Variants in DCHS2 observed in about 807,000 individuals in gnomAD.
DCHS2 encodes the protein protocadherin-23.
Under a neutral mutation model 182.4 loss-of-function variants are expected in DCHS2, and 142 were observed. The observed-to-expected ratio is 0.78, with a 90% CI of 0.68 to 0.89. DCHS2 has a LOEUF of 0.89. DCHS2 is among the 40% of genes least tolerant of loss of function. DCHS2 has a pLI of 0.00. For missense variants in DCHS2, 4,319 were observed against 4,198.6 expected, an observed-to-expected ratio of 1.03 and a Z score of -0.79; for synonymous variants, 1,740 against 1,663.3, an observed-to-expected ratio of 1.05 and a Z score of -1.12.
intron 1 of DCHS2, among the ~76,000 whole-genome samples, chr4:154,448,826 T>C (rs955129722): frequency 6.6e-6 from 1 of 152,224 alleles, no homozygotes; most frequent in Non-Finnish European, 1.5e-5. Flanking sequence ...TTCAGCTCCA[T>C]GAACAATATT....
chr4:154,300,650 G>A (rs1735162323), intron 12 of DCHS2, among the ~76,000 whole-genome samples: 1 of 151,964 alleles, frequency 6.6e-6, no homozygotes, highest in Non-Finnish European at 1.5e-5. Flanking sequence ...TGATTGTGCT[G>A]CTGCGGTGAG....
chr4:154,386,840 C>T (rs984758149), intron 1 of DCHS2, among the ~76,000 whole-genome samples: 6 of 152,190 alleles, frequency 3.9e-5, no homozygotes, highest in Admixed American at 1.3e-4. Flanking sequence ...TGGTTCGTGA[C>T]ACTCATCAAA....
chr4:154,281,196 AAAG>A (rs753282983), intron 13 of DCHS2, among the ~76,000 whole-genome samples: 28 of 152,212 alleles, frequency 1.8e-4, no homozygotes, highest in Non-Finnish European at 3.1e-4. Context: ...TAGACAAGAG[AAAG>A]AAGAAGAAGA....
intron 2 of DCHS2, among the ~76,000 whole-genome samples, chr4:154,369,685 C>T (rs1400032217): frequency 6.6e-6 from 1 of 152,202 alleles, no homozygotes; most frequent in Non-Finnish European, 1.5e-5. Flanking sequence ...GTAGCTAATA[C>T]ATCCCATAAA....
At chr4:154,312,771 T>A (rs1735714196) in intron 10 of DCHS2, among the ~76,000 whole-genome samples, 1 of 152,218 alleles carries the variant, frequency 6.6e-6, no homozygotes, top group Non-Finnish European at 1.5e-5. Context: ...TATTTTAGCA[T>A]CCTTATCCTT....
chr4:154,335,960 C>G (rs766683358), intron 3 of DCHS2, among the ~76,000 whole-genome samples: 11 of 152,134 alleles, frequency 7.2e-5, no homozygotes, highest in South Asian at 2.1e-4. Flanking sequence ...TGCAGGCTAG[C>G]GCAGGGTTGT....
Position 154,253,599 on chromosome 4 carries a change from A to G in DCHS2, c.6941+1920T>C, listed in dbSNP as rs117329238. Among the ~76,000 whole-genome samples, 497 of 152,342 alleles carry G rather than the reference A, an allele frequency of 3.3e-3. 8 individuals are homozygous for G. The East Asian group carries it at 0.037, about 11-fold the overall frequency. On this transcript the variant is annotated intron_variant, in intron 16 of 19. Coordinates refer to ENST00000357232, the MANE Select transcript of DCHS2 (RefSeq NM_001358235.2). ...TGCTTAAACAATTACTATAGAAACA[A>G]TGTAGCAGGGAATAGGTTTTAATAT...
At chr4:154,327,790 C>T (rs563893706) in intron 7 of DCHS2, among the ~76,000 whole-genome samples, 18 of 152,246 alleles carry the variant, frequency 1.2e-4, no homozygotes, top group African/African-American at 4.3e-4. Flanking sequence ...CTAACACTTT[C>T]CTATCAATAA....
rs1560972252 is a variant in DCHS2 at position 154,236,879 on chromosome 4, A to G, written c.7773T>C (p.Ser2591=). 2 of 1,614,074 alleles carry G rather than the reference A, an allele frequency of 1.2e-6. No individual in the cohort carries two copies. Among genetic ancestry groups the G allele is most frequent in the Non-Finnish European group, 1.7e-6 (2 of 1,179,950 alleles). Residue 2591 remains serine, a synonymous_variant, in exon 20 of 20, where the codon AGT becomes AGC. Transcript: ENST00000357232. ...CATGAAAATTGTTCTGTGAATTACC[A>G]CTGATGATGGAATATTCAACATATG... ...ENTYVEYSII[S]GNSQNNFHVE... is the part of the protein sequence containing the mutation.
At chr4:154,295,241 C>A (rs996478360) in intron 13 of DCHS2, among the ~76,000 whole-genome samples, 3 of 152,174 alleles carry the variant, frequency 2.0e-5, no homozygotes, top group Non-Finnish European at 4.4e-5. Flanking sequence ...GAGAATAAGA[C>A]GTTTCTCTAT....
intron 1 of DCHS2, among the ~76,000 whole-genome samples, chr4:154,472,610 A>G (rs1269932117): frequency 1.3e-5 from 2 of 152,230 alleles, no homozygotes; most frequent in East Asian, 3.8e-4. Context: ...TTCTCTCACC[A>G]AAACGTCTAC....
chr4:154,391,076 T>G, intron 1 of DCHS2: 1 of 1,104,560 alleles, frequency 9.1e-7, no homozygotes, highest in Non-Finnish European at 1.3e-6. Flanking sequence ...CAGAAGTAAA[T>G]TCTTTGGCCA....
intron 1 of DCHS2, among the ~76,000 whole-genome samples, chr4:154,405,664 G>C (rs981706975): frequency 7.2e-5 from 11 of 151,976 alleles, no homozygotes; most frequent in Non-Finnish European, 1.3e-4. Flanking sequence ...AATTTTCATA[G>C]TTTTTATTTT....
In DCHS2 at chr4:154,236,096, G is replaced by A; in HGVS notation, c.8556C>T (p.Val2852=). 1.9e-6 allele frequency: 3 copies of A among 1,613,636 alleles called. No homozygotes were observed. The highest frequency in any genetic ancestry group is 2.5e-6 in the Non-Finnish European group (3 of 1,179,942). ...YENGNKYCLT[V]QAKDKGDATA... ...TTGCATCACCTTTGTCTTTGGCTTG[G>A]ACTGTGAGGCAGTATTTATTGCCAT... is the stretch of plus-strand genomic sequence containing the variant. Residue 2852 remains valine (V), a synonymous_variant, in exon 20 of 20, where the codon GTC becomes GTT. Transcript: ENST00000357232.
chr4:154,483,239 G>A (rs1735989321), intron 1 of DCHS2, among the ~76,000 whole-genome samples: 1 of 151,914 alleles, frequency 6.6e-6, no homozygotes, highest in African/African-American at 2.4e-5. Flanking sequence ...CAAGGAGGGG[G>A]GTGATATACA....
At chr4:154,324,252 G>T (rs548580810) in intron 7 of DCHS2, among the ~76,000 whole-genome samples, 17 of 152,192 alleles carry the variant, frequency 1.1e-4, no homozygotes, top group African/African-American at 4.1e-4. Context: ...CAAACATTGG[G>T]ATCTTCTTAA....
At chr4:154,325,499 T>G (rs1360629742) in intron 7 of DCHS2, among the ~76,000 whole-genome samples, 1 of 152,086 alleles carries the variant, frequency 6.6e-6, no homozygotes, top group Non-Finnish European at 1.5e-5. Flanking sequence ...CTTGAATGCA[T>G]ACCTGCAAAG....
At chr4:154,467,234 T>G (rs1026784666) in intron 1 of DCHS2, among the ~76,000 whole-genome samples, 1 of 152,228 alleles carries the variant, frequency 6.6e-6, no homozygotes, top group Non-Finnish European at 1.5e-5. Flanking sequence ...ATTTATAAGC[T>G]TAATATACAA....
chr4:154,320,760 G>T lies in DCHS2; in HGVS notation c.4639C>A (p.Gln1547Lys). The T allele has an allele frequency of 2.5e-6, 4 of 1,614,046 alleles. No individual in the cohort carries two copies. Among genetic ancestry groups the T allele is most frequent in the Non-Finnish European group, 3.4e-6 (4 of 1,179,992 alleles). Residue 1547 changes from glutamine to lysine, a missense_variant, in exon 9 of 20, where the codon CAA becomes AAA. Transcript: ENST00000357232. The stretch of plus-strand genomic sequence containing the variant: ...GGGTTGTGGGATTCAATGTAGTATT[G>T]TATTCTACTGTTCAAAAAACTGCCG... ...DDGSFLNSRIQYYIESHNPGT... is the reference protein window; with the variant it reads ...DDGSFLNSRIKYYIESHNPGT...
Sources: allele counts gnomAD v4.1 joint callset (sites outside exome capture counted in the v4.1 genomes callset), GRCh38; gene constraint gnomAD v4.1.1; transcripts MANE v1.5; gene names NCBI Gene and HGNC (gene_info 2026-07-23, HGNC 2026-07-21).